TBC1D5: variants seen among roughly 807,000 people sequenced by gnomAD.
TBC1D5 encodes the protein TBC1 domain family member 5.
TBC1D5 carries 75 observed loss-of-function variants against 100.3 expected under a neutral mutation model. The observed-to-expected ratio is 0.75, with a 90% CI of 0.62 to 0.91. The LOEUF (loss-of-function observed/expected upper bound fraction) is 0.91, where lower values mean the gene tolerates loss of function less well. TBC1D5 is among the 40% of genes least tolerant of loss of function. TBC1D5 has a pLI of 0.00. For synonymous variants in TBC1D5, 323 were observed against 325.6 expected (o/e 0.99, Z 0.09); for missense variants, 910 against 942.4 (o/e 0.97, Z 0.45).
chr3:17,741,800 ATTTTTTTTTTT>A (rs779385615), upstream of TBC1D5, among the ~76,000 whole-genome samples: 28 of 47,954 alleles, frequency 5.8e-4, no homozygotes, highest in African/African-American at 2.5e-3. Flanking sequence ...CTCCCTGCGA[ATTTTTTTTTTT>A]TTTTTTTTTT....
chr3:17,411,790 T>C (rs2093932611), intron 4 of TBC1D5, among the ~76,000 whole-genome samples: 1 of 152,146 alleles, frequency 6.6e-6, no homozygotes, highest in Non-Finnish European at 1.5e-5. Flanking sequence ...ATTACGGTGT[T>C]GGTATAGGGA....
chr3:17,174,455 T>A (rs578232456), intron 19 of TBC1D5, among the ~76,000 whole-genome samples: 1 of 152,218 alleles, frequency 6.6e-6, no homozygotes, highest in Non-Finnish European at 1.5e-5. Flanking sequence ...TCACTTTAGG[T>A]ATTCCTGAAG....
intron 1 of TBC1D5, among the ~76,000 whole-genome samples, chr3:17,633,601 C>T (rs928813352): frequency 1.3e-5 from 2 of 151,952 alleles, no homozygotes; most frequent in Non-Finnish European, 2.9e-5. Context: ...TGGAAGTAAA[C>T]AGCATTTTAT....
At chr3:17,710,025 C>A (rs1182021054) in intron 1 of TBC1D5, among the ~76,000 whole-genome samples, 2 of 152,046 alleles carry the variant, frequency 1.3e-5, no homozygotes, top group African/African-American at 4.8e-5. Flanking sequence ...GCCTTGTGCT[C>A]AATCTAAAGA....
chr3:17,517,727 T>C (rs775077003), intron 2 of TBC1D5, among the ~76,000 whole-genome samples: 1 of 152,226 alleles, frequency 6.6e-6, no homozygotes, highest in Non-Finnish European at 1.5e-5. Context: ...GTCAATTTTA[T>C]TAAAAATACA....
intron 13 of TBC1D5, 45 bp downstream of exon 13, chr3:17,372,030 C>CT: frequency 1.4e-6 from 1 of 723,292 alleles, no homozygotes; most frequent in South Asian, 1.8e-5. Flanking sequence ...GATGGAGACT[C>CT]TGTCTCAAAA....
chr3:17,198,976 G>A (rs1036050662), intron 18 of TBC1D5, among the ~76,000 whole-genome samples: 31 of 152,232 alleles, frequency 2.0e-4, no homozygotes, highest in African/African-American at 7.0e-4. Flanking sequence ...CCTTGTTACC[G>A]GAATCAGTGT....
At chr3:17,461,353 G>C (rs546746074) in intron 3 of TBC1D5, among the ~76,000 whole-genome samples, 5 of 152,102 alleles carry the variant, frequency 3.3e-5, no homozygotes, top group African/African-American at 4.8e-5. Flanking sequence ...TGTACATACT[G>C]TGGGCTTCTC....
chr3:17,530,170 GA>G lies in TBC1D5; in HGVS notation c.-35-21566del, dbSNP rs1314265574. Among the ~76,000 whole-genome samples the G allele has an allele frequency of 4.8e-5, 7 of 146,962 alleles. No homozygotes were observed. In the East Asian group the frequency reaches 1.4e-3, roughly 30 times the overall value. On this transcript the variant is annotated intron_variant, in intron 2 of 21. Transcript: ENST00000253692. Reference sequence around the variant, plus strand: ...AAGGAAGGAGAATCACTTGATCCCAGAAGCCAGAAGTTGCAGTGAGCCAAGA... The same window carrying G: ...AAGGAAGGAGAATCACTTGATCCCAGAGCCAGAAGTTGCAGTGAGCCAAGA...
intron 2 of TBC1D5, among the ~76,000 whole-genome samples, chr3:17,582,158 C>T (rs759505019): frequency 6.6e-6 from 1 of 152,166 alleles, no homozygotes; most frequent in Non-Finnish European, 1.5e-5. Flanking sequence ...AACCTCTCCA[C>T]CCTGGAATGT....
chr3:17,506,514 T>TC (rs1335213034), intron 3 of TBC1D5, among the ~76,000 whole-genome samples: 1 of 152,210 alleles, frequency 6.6e-6, no homozygotes, highest in Non-Finnish European at 1.5e-5. Flanking sequence ...CTATTCATTT[T>TC]AAGTGTTGTT....
chr3:17,267,679 GA>G (rs1393404954), intron 15 of TBC1D5, among the ~76,000 whole-genome samples: 2 of 151,954 alleles, frequency 1.3e-5, no homozygotes, highest in Non-Finnish European at 2.9e-5. Context: ...TAAGTCCTTG[GA>G]CTGAGAACTC....
chr3:17,316,540 G>A (rs895833627), intron 13 of TBC1D5, among the ~76,000 whole-genome samples: 1 of 152,112 alleles, frequency 6.6e-6, no homozygotes, highest in Non-Finnish European at 1.5e-5. Flanking sequence ...ATGTTATTGC[G>A]GATGCTTGTA....
chr3:17,508,205 C>T (rs2095863551), intron 3 of TBC1D5, among the ~76,000 whole-genome samples: 1 of 152,128 alleles, frequency 6.6e-6, no homozygotes, highest in African/African-American at 2.4e-5. Context: ...CATTCTTATG[C>T]TGAAGTCATT....
chr3:17,330,442 T>C (rs2086726384), intron 13 of TBC1D5, among the ~76,000 whole-genome samples: 1 of 152,106 alleles, frequency 6.6e-6, no homozygotes, highest in South Asian at 2.1e-4. Flanking sequence ...TAGCTATCCT[T>C]AGCTCACTCT....
intron 13 of TBC1D5, among the ~76,000 whole-genome samples, chr3:17,337,123 GTTTTTTTT>G (rs11328091): frequency 8.6e-6 from 1 of 116,152 alleles, no homozygotes; most frequent in African/African-American, 3.5e-5. Context: ...TATCTGAGAG[GTTTTTTTT>G]TTTTTTTTTT....
chr3:17,618,733 C>T (rs530398206), intron 2 of TBC1D5, among the ~76,000 whole-genome samples: 4 of 152,360 alleles, frequency 2.6e-5, no homozygotes, highest in African/African-American at 9.6e-5. Context: ...ATCTCCTGGT[C>T]TGCTGGTTAC....
chr3:17,526,522 G>A (rs2096137899), intron 2 of TBC1D5, among the ~76,000 whole-genome samples: 1 of 152,170 alleles, frequency 6.6e-6, no homozygotes, highest in South Asian at 2.1e-4. Flanking sequence ...TGGTGATTTA[G>A]TCAACATTAT....
intron 17 of TBC1D5, among the ~76,000 whole-genome samples, chr3:17,235,873 T>C (rs1250431271): frequency 1.3e-5 from 2 of 152,130 alleles, no homozygotes; most frequent in East Asian, 1.9e-4. Flanking sequence ...AGCAGGAACA[T>C]TTATCATTAA....
Sources: allele counts gnomAD v4.1 joint callset (sites outside exome capture counted in the v4.1 genomes callset), GRCh38; gene constraint gnomAD v4.1.1; transcripts MANE v1.5; gene names NCBI Gene and HGNC (gene_info 2026-07-23, HGNC 2026-07-21).